DPEP1: variants seen among roughly 807,000 people sequenced by gnomAD.
DPEP1 encodes the protein dipeptidase 1, also known as beta-lactamase.
In DPEP1, 50 loss-of-function variants were observed where a neutral mutation model predicts 42.3. The observed-to-expected ratio is 1.18, with a 90% CI of 0.94 to 1.50. The LOEUF is 1.50. DPEP1 is among the 40% of genes most tolerant of loss of function. DPEP1 has a pLI of 0.00. For synonymous variants in DPEP1, 297 were observed against 234.0 expected (o/e 1.27, Z -2.46); for missense variants, 663 against 553.0 (o/e 1.20, Z -1.99).
intron 1 of DPEP1, among the ~76,000 whole-genome samples, chr16:89,616,518 G>A (rs548668902): frequency 2.7e-4 from 41 of 152,284 alleles, no homozygotes; most frequent in Non-Finnish European, 4.9e-4. Context: ...GTGTATGGCC[G>A]ACCTCGAGGA....
Position 89,638,117 on chromosome 16 carries a change from CAGGA to C in DPEP1, c.1132_1135del (p.Arg378ProfsTer98). ...CGCTGGACCAGCTGGGTGGCTCCTG[CAGGA>C]CCCATTACGGCTACTCCTCTGGGGC... On this transcript the variant is annotated frameshift_variant, in exon 11 of 11. Transcript: ENST00000690203. LOFTEE classifies it low-confidence loss of function (END_TRUNC). 6.2e-7 allele frequency: 1 copy of C among 1,612,364 alleles called. No individual in the cohort carries two copies. The highest frequency in any genetic ancestry group is 2.2e-5 in the East Asian group (1 of 44,882).
intron 1 of DPEP1, among the ~76,000 whole-genome samples, chr16:89,627,685 G>A (rs1466455422): frequency 7.8e-6 from 1 of 127,628 alleles, no homozygotes; most frequent in Non-Finnish European, 1.6e-5. Flanking sequence ...TTTTGAAACG[G>A]AGTCTTGCTC....
downstream of DPEP1, among the ~76,000 whole-genome samples, chr16:89,640,791 C>T (rs551086367): frequency 7.2e-5 from 11 of 152,140 alleles, no homozygotes; most frequent in Middle Eastern, 3.4e-3. Flanking sequence ...CGGAGACGAG[C>T]GATCATAGAA....
In DPEP1 at chr16:89,637,759, C is replaced by CG. The variant is rs199966193; in HGVS notation, c.929+53dup. 3,330 of 1,612,772 alleles carry CG rather than the reference C, an allele frequency of 2.1e-3. 58 individuals carry two copies. In the African/African-American group the frequency reaches 0.038, roughly 18 times the overall value. On this transcript the variant is annotated intron_variant, in intron 9 of 10. Coordinates refer to ENST00000690203, the MANE Select transcript of DPEP1 (RefSeq NM_001389466.1). ...GGATGAGCCGGGAGGTTCATGGCCT[C>CG]GTCAGAGGGATGAGGTGGCTGGAGG... is the stretch of plus-strand genomic sequence containing the variant.
Position 89,638,193 on chromosome 16 carries a change from C to A in DPEP1, c.1207C>A (p.Pro403Thr). Residue 403 changes from proline to threonine, a missense_variant, in exon 11 of 11, where the codon CCC (proline) becomes ACC (threonine). Physicochemically the swap from Pro to Thr is conservative, Grantham distance 38. Coordinates refer to ENST00000690203, the MANE Select transcript of DPEP1 (RefSeq NM_001389466.1). ...GGGGCTCCTGCTGGCCTCCCTCGCT[C>A]CCCTGGTCCTCTGTCTGTCTCTCCT... ...HWGLLLASLAPLVLCLSLL is the reference protein window; with the variant it reads ...HWGLLLASLATLVLCLSLL 6.3e-7 allele frequency: 1 copy of A among 1,588,788 alleles called. No individual in the cohort carries two copies. The highest frequency in any genetic ancestry group is 8.6e-7 in the Non-Finnish European group (1 of 1,165,866).
chr16:89,630,345 C>T lies in DPEP1; in HGVS notation c.-66C>T, dbSNP rs866213715. 47 of 1,384,702 alleles carry T rather than the reference C, an allele frequency of 3.4e-5. No homozygotes were observed. Among genetic ancestry groups the T allele is most frequent in the Middle Eastern group, 3.9e-4 (2 of 5,080 alleles). 85.8% of individuals were successfully genotyped at this position (1,384,702 alleles called of 1,614,324 possible). On this transcript the variant is annotated 5_prime_UTR_variant, in exon 2 of 11. In the 5' UTR this introduces an upstream ATG that the reference lacks. Coordinates refer to ENST00000690203, the MANE Select transcript of DPEP1 (RefSeq NM_001389466.1). Reference sequence around the variant, plus strand: ...ACAGCCTGAAGCTCATCCTTCTGCACGGGCCAGCCAGGCCAGCACAGAGGC... The same window carrying T: ...ACAGCCTGAAGCTCATCCTTCTGCATGGGCCAGCCAGGCCAGCACAGAGGC...
At chr16:89,621,519 C>T (rs2059446244) in intron 1 of DPEP1, among the ~76,000 whole-genome samples, 1 of 152,186 alleles carries the variant, frequency 6.6e-6, no homozygotes, top group African/African-American at 2.4e-5. Context: ...ACCGGGGCCT[C>T]CCACGGAGAG....
downstream of DPEP1, among the ~76,000 whole-genome samples, chr16:89,640,782 G>A (rs373906863): frequency 5.0e-4 from 76 of 152,152 alleles, no homozygotes; most frequent in African/African-American, 1.6e-3. Context: ...CCTCGTGTAC[G>A]GAGACGAGCG....
chr16:89,631,566 A>C (rs1350930262), intron 2 of DPEP1, among the ~76,000 whole-genome samples: 1 of 152,216 alleles, frequency 6.6e-6, no homozygotes, highest in Non-Finnish European at 1.5e-5. Flanking sequence ...TAAGAACTTC[A>C]GGGAACAGTC....
At chr16:89,626,432 C>T (rs1028271135) in intron 1 of DPEP1, 10 of 152,204 alleles carry the variant, frequency 6.6e-5, no homozygotes, top group African/African-American at 2.4e-4. Context: ...CTCCCCGCAA[C>T]CTCCACCTCC....
chr16:89,627,266 C>A lies in DPEP1; in HGVS notation c.-106-3039C>A, dbSNP rs562054128. ...CCAGCCTGGGCAATAGAGTGAGACT[C>A]CGTCTCAAAAAAAAAAAAAAAAAGT... On this transcript the variant is annotated intron_variant, in intron 1 of 10. Coordinates refer to ENST00000690203, the MANE Select transcript of DPEP1 (RefSeq NM_001389466.1). 2.8e-5 allele frequency among the ~76,000 whole-genome samples: 3 copies of A among 107,142 alleles called. No individual in the cohort carries two copies. The East Asian group carries it at 8.7e-4, about 31-fold the overall frequency. The allele number at this position is 107,142 out of a possible 152,430, so 70.3% of individuals were successfully genotyped here.
rs540343966 is a variant in DPEP1, at chr16:89,634,289, A to T, written c.105-1619A>T. ...TTTTTAGTAGAGACGGGGTTTCACCATGTTAGCCAGGATGATCTCGATCTC... is the reference window on the plus strand; with the variant it reads ...TTTTTAGTAGAGACGGGGTTTCACCTTGTTAGCCAGGATGATCTCGATCTC... On this transcript the variant is annotated intron_variant, in intron 2 of 10. Transcript: ENST00000690203. Among the ~76,000 whole-genome samples the T allele has an allele frequency of 1.3e-3, 204 of 151,732 alleles. 2 individuals are homozygous for T. The South Asian group carries it at 0.028, about 21-fold the overall frequency.
rs1484604515 is a variant in DPEP1, at chr16:89,637,236, C to A, written c.624C>A (p.Val208=). Residue 208 remains valine, a synonymous_variant, in exon 7 of 11, where the codon GTC becomes GTA. Coordinates refer to ENST00000690203, the MANE Select transcript of DPEP1 (RefSeq NM_001389466.1). ...RVVKELNRLG[V]LIDLAHVSVA... ...TGAAGGAGCTGAACCGTCTGGGGGT[C>A]CTCATCGACTTGGCTCACGTGTCTG... is the stretch of plus-strand genomic sequence containing the variant. 1.2e-6 allele frequency: 2 copies of A among 1,612,708 alleles called. No individual in the cohort carries two copies. Among genetic ancestry groups the A allele is most frequent in the Non-Finnish European group, 1.7e-6 (2 of 1,179,942 alleles).
rs937644073 is a variant in DPEP1, at chr16:89,637,562, G to C, written c.853+10G>C. The C allele has an allele frequency of 1.2e-6, 2 of 1,612,746 alleles. No homozygotes were observed. Among genetic ancestry groups the C allele is most frequent in the African/African-American group, 2.7e-5 (2 of 74,948 alleles). On this transcript the variant is annotated intron_variant, in intron 8 of 10. Transcript: ENST00000690203. The stretch of plus-strand genomic sequence containing the variant: ...CTGTCCCAAGTGGCCGGTAGGTGGG[G>C]TGTGAGCGGCCAAGGGGGCCGAAGG...
intron 6 of DPEP1, 82 bp downstream of exon 6, chr16:89,637,017 C>T (rs574086727): frequency 2.7e-5 from 42 of 1,565,344 alleles, no homozygotes; most frequent in South Asian, 3.4e-5. Flanking sequence ...CATCTCCTCA[C>T]GTGGGACCTC....
intron 2 of DPEP1, among the ~76,000 whole-genome samples, chr16:89,631,088 A>T (rs1419417307): frequency 6.6e-6 from 1 of 152,056 alleles, no homozygotes; most frequent in Non-Finnish European, 1.5e-5. Context: ...AGCTTCTCCC[A>T]AAAGCAGCAG....
intron 1 of DPEP1, 44 bp from the exon 2 acceptor site, chr16:89,630,261 C>T: frequency 9.1e-6 from 5 of 551,562 alleles, no homozygotes; most frequent in South Asian, 8.7e-5. Flanking sequence ...AGAGCAGCCA[C>T]CTGTCATCAC....
chr16:89,629,113 G>T (rs1460760189), intron 1 of DPEP1, among the ~76,000 whole-genome samples: 1 of 152,190 alleles, frequency 6.6e-6, no homozygotes, highest in African/African-American at 2.4e-5. Flanking sequence ...AGGCGTGAAT[G>T]ACTGTGCCCA....
chr16:89,634,418 C>G (rs2059633517), intron 2 of DPEP1, among the ~76,000 whole-genome samples: 1 of 152,102 alleles, frequency 6.6e-6, no homozygotes, highest in Non-Finnish European at 1.5e-5. Flanking sequence ...CAGTGGATTC[C>G]CTTTGCTCCT....
Sources: gnomAD v4.1 joint callset for allele counts (sites outside exome capture counted in the v4.1 genomes callset) on GRCh38, gnomAD v4.1.1 for gene constraint, MANE v1.5 for transcripts, NCBI Gene and HGNC (gene_info 2026-07-23, HGNC 2026-07-21) for gene names.